The following CNTNAP4 variants were observed in gnomAD, a reference collection of about 807,000 sequenced individuals.
CNTNAP4 encodes contactin associated protein family member 4.
Under a neutral mutation model 148.4 loss-of-function variants are expected in CNTNAP4, and 98 were observed. The ratio of observed to expected loss-of-function variants is 0.66; its 90% confidence interval spans 0.56 to 0.78. The LOEUF (loss-of-function observed/expected upper bound fraction) is 0.78, where lower values mean the gene tolerates loss of function less well. Among genes scored for constraint, CNTNAP4 ranks in the 30% least tolerant of loss-of-function variants. CNTNAP4 has a pLI of 0.00. For missense variants in CNTNAP4, 1,935 were observed against 1,565.6 expected, an observed-to-expected ratio of 1.24 and a Z score of -3.98; for synonymous variants, 730 against 565.1, an observed-to-expected ratio of 1.29 and a Z score of -4.14.
chr16:76,307,036 T>G (rs938219934), intron 1 of CNTNAP4, among the ~76,000 whole-genome samples: 18 of 152,244 alleles, frequency 1.2e-4, no homozygotes, highest in African/African-American at 4.1e-4. Flanking sequence ...AATGTTTGAT[T>G]ACAATAGATG....
intron 4 of CNTNAP4, among the ~76,000 whole-genome samples, chr16:76,434,722 C>G (rs7184847): frequency 0.64 from 97,523 of 152,142 alleles, 32,662 homozygotes; most frequent in African/African-American, 0.84. Context: ...TTTGGCCTTT[C>G]CCACCATAAT....
In CNTNAP4 at chr16:76,383,191, C is replaced by T. The variant is rs563358076; in HGVS notation, c.390+27680C>T. 1.5e-3 allele frequency among the ~76,000 whole-genome samples: 222 copies of T among 151,488 alleles called. 1 individual carries two copies. Among genetic ancestry groups the T allele is most frequent in the African/African-American group, 5.0e-3 (208 of 41,322 alleles). On this transcript the variant is annotated intron_variant, in intron 3 of 23. Transcript: ENST00000611870. ...AAGAAACTTTCCCATTTTGGAAGCACTCCAGGTCAGCATACAAAATTTAAG... is the reference window on the plus strand; with the variant it reads ...AAGAAACTTTCCCATTTTGGAAGCATTCCAGGTCAGCATACAAAATTTAAG...
chr16:76,456,023 G>A (rs2080717742), intron 8 of CNTNAP4, among the ~76,000 whole-genome samples: 1 of 152,202 alleles, frequency 6.6e-6, no homozygotes, highest in Admixed American at 6.5e-5. Context: ...AAGGGAAAGA[G>A]AGAGAGAACG....
chr16:76,479,720 T>A (rs1032668495), intron 12 of CNTNAP4, among the ~76,000 whole-genome samples, 182 bp downstream of exon 12: 1 of 152,182 alleles, frequency 6.6e-6, no homozygotes, highest in African/African-American at 2.4e-5. Flanking sequence ...TTTAAATGTC[T>A]TTTTTAATGC....
intron 10 of CNTNAP4, among the ~76,000 whole-genome samples, chr16:76,470,902 C>T (rs895211870): frequency 2.0e-5 from 3 of 152,068 alleles, no homozygotes; most frequent in Non-Finnish European, 4.4e-5. Flanking sequence ...TGGACACATT[C>T]ATATGCTCAT....
intron 3 of CNTNAP4, among the ~76,000 whole-genome samples, chr16:76,408,563 T>G (rs2078686326): frequency 6.6e-6 from 1 of 152,004 alleles, no homozygotes; most frequent in Non-Finnish European, 1.5e-5. Context: ...CTGTATTATT[T>G]TGAAGCAAAT....
intron 3 of CNTNAP4, among the ~76,000 whole-genome samples, chr16:76,398,690 C>T (rs911744280): frequency 1.3e-5 from 2 of 152,126 alleles, no homozygotes; most frequent in East Asian, 3.9e-4. Context: ...ACGTGAGTTC[C>T]TATATCCCCA....
intron 10 of CNTNAP4, among the ~76,000 whole-genome samples, chr16:76,472,720 C>G (rs555840176): frequency 1.3e-5 from 2 of 152,104 alleles, no homozygotes; most frequent in South Asian, 4.1e-4. Flanking sequence ...ATGAATACGA[C>G]ATGTTCTTAC....
At position 76,452,767 on chromosome 16, in the gene CNTNAP4, C is replaced by A. The variant is rs1340169646; in HGVS notation, c.1331C>A (p.Ala444Glu). The part of the protein sequence containing the change: ...QPGKLPSDIT[A>E]GVELNDGQWH... ...GGAAAATTACCCAGTGACATCACAG[C>A]AGGTAATAAATGTATTCCCTGGGGC... is the stretch of plus-strand genomic sequence containing the variant. The change falls in exon 8 of 24, where the codon GCA becomes GAA. Residue 444 changes from alanine to glutamate, a missense_variant and splice_region_variant. By Grantham distance (107) the Ala-to-Glu change is moderately radical. Coordinates refer to ENST00000611870, the MANE Select transcript of CNTNAP4 (RefSeq NM_033401.5). 6.4e-7 allele frequency: 1 copy of A among 1,571,704 alleles called. No homozygotes were observed. The highest frequency in any genetic ancestry group is 1.9e-5 in the Admixed American group (1 of 53,986).
chr16:76,314,452 T>A (rs78487157), intron 1 of CNTNAP4, among the ~76,000 whole-genome samples: 2,728 of 152,292 alleles, frequency 0.018, 80 homozygotes, highest in African/African-American at 0.062. Flanking sequence ...TGTGTATATG[T>A]GTATACACAC....
Position 76,316,230 on chromosome 16 carries a change from T to C in CNTNAP4, c.86-183T>C, listed in dbSNP as rs1183015780. 7.9e-5 allele frequency: 50 copies of C among 634,434 alleles called. 1 individual carries two copies. In the Admixed American group the frequency reaches 1.3e-3, roughly 17 times the overall value. The allele number at this position is 634,434 out of a possible 1,614,324, so 39.3% of individuals were successfully genotyped here. A position where few individuals can be genotyped will look rare whatever the true frequency, so the allele number is the denominator to read the frequency against. ...ATTTTCATATTCTCCTGTCTTTAAG[T>C]TTTTTCTTTTCTCATTGAACTTACT... On this transcript the variant is annotated intron_variant, in intron 1 of 23. Coordinates refer to ENST00000611870, the MANE Select transcript of CNTNAP4 (RefSeq NM_033401.5).
chr16:76,351,773 G>T (rs974902326), intron 2 of CNTNAP4, among the ~76,000 whole-genome samples: 5 of 152,240 alleles, frequency 3.3e-5, no homozygotes, highest in Non-Finnish European at 7.3e-5. Context: ...GCGCTAGGAA[G>T]AGGGAGCAGT....
rs192029679 is a variant in CNTNAP4 at position 76,461,315 on chromosome 16, T to C, written c.1334-641T>C. Among the ~76,000 whole-genome samples the C allele has an allele frequency of 2.9e-3, 441 of 152,280 alleles. 2 individuals are homozygous for C. The highest frequency in any genetic ancestry group is 9.7e-3 in the African/African-American group (405 of 41,546). ...TGTGGACAGGGCCGCTTAAGGTCTT[T>C]ACTGCTCTGTACATGTCCTGAAATG... On this transcript the variant is annotated intron_variant, in intron 8 of 23. Coordinates refer to ENST00000611870, the MANE Select transcript of CNTNAP4 (RefSeq NM_033401.5).
intron 17 of CNTNAP4, among the ~76,000 whole-genome samples, chr16:76,532,348 A>G (rs1268274775): frequency 6.6e-6 from 1 of 152,204 alleles, no homozygotes; most frequent in Non-Finnish European, 1.5e-5. Context: ...GTATTTCCTC[A>G]GATGGACCTG....
intron 15 of CNTNAP4, among the ~76,000 whole-genome samples, chr16:76,500,898 A>G (rs1466343269): frequency 6.6e-6 from 1 of 152,154 alleles, no homozygotes; most frequent in African/African-American, 2.4e-5. Context: ...TGCTTTTAGT[A>G]CTTCCAGAAC....
At chr16:76,319,569 C>T (rs1344971353) in intron 2 of CNTNAP4, among the ~76,000 whole-genome samples, 3 of 151,930 alleles carry the variant, frequency 2.0e-5, no homozygotes, top group Non-Finnish European at 2.9e-5. Context: ...AGGGTCTTAT[C>T]AGATATCATC....
chr16:76,545,530 G>T lies in CNTNAP4; in HGVS notation c.3442+4740G>T, dbSNP rs1051915012. ...TATTCCTCTGACAATGATGTCACCT[G>T]CAAAGCTTTTTATTTGGCAGCCAAG... On this transcript the variant is annotated intron_variant, in intron 21 of 23. Coordinates refer to ENST00000611870, the MANE Select transcript of CNTNAP4 (RefSeq NM_033401.5). Among the ~76,000 whole-genome samples, 3 of 152,128 alleles carry T rather than the reference G, an allele frequency of 2.0e-5. No homozygotes were observed. In the South Asian group the frequency reaches 6.2e-4, roughly 32 times the overall value.
chr16:76,403,816 A>G (rs1303593426), intron 3 of CNTNAP4, among the ~76,000 whole-genome samples: 3 of 152,244 alleles, frequency 2.0e-5, no homozygotes, highest in African/African-American at 7.2e-5. Flanking sequence ...TAAGTGACAG[A>G]CTGGATAAAG....
intron 23 of CNTNAP4, chr16:76,557,758 A>T (rs967447682): frequency 2.0e-5 from 3 of 152,204 alleles, no homozygotes; most frequent in Non-Finnish European, 2.9e-5. Context: ...GGAAATGTCA[A>T]CAGAGTGAAA....
Sources: gnomAD v4.1 joint callset for allele counts (sites outside exome capture counted in the v4.1 genomes callset) on GRCh38, gnomAD v4.1.1 for gene constraint, MANE v1.5 for transcripts, NCBI Gene and HGNC (gene_info 2026-07-23, HGNC 2026-07-21) for gene names.